The following PCDHGA7 variants were observed in gnomAD, a reference collection of about 807,000 sequenced individuals.
The protein encoded by PCDHGA7 is protocadherin gamma-A7.
Under a neutral mutation model 58.3 loss-of-function variants are expected in PCDHGA7, and 44 were observed. The ratio of observed to expected loss-of-function variants is 0.75; its 90% CI spans 0.59 to 0.97. The LOEUF is 0.97. PCDHGA7 is among the 50% of genes least tolerant of loss of function. The pLI is 0.00. For synonymous variants in PCDHGA7, 516 were observed against 504.2 expected (o/e 1.02, Z -0.31); for missense variants, 1,266 against 1,188.7 (o/e 1.06, Z -0.96).
rs369691483 is a variant in PCDHGA7 at position 141,383,272 on chromosome 5, G to T, written c.373G>T (p.Asp125Tyr). Residue 125 changes from aspartate to tyrosine, a missense_variant, in exon 1 of 4, where the codon GAT becomes TAT. Physicochemically the swap from Asp to Tyr is radical, Grantham distance 160. Coordinates refer to ENST00000518325, the MANE Select transcript of PCDHGA7 (RefSeq NM_018920.4). Reference sequence around the variant, plus strand: ...TTACCCTATAGACGTGGAAATAATAGATATTAATGACAACGTTCCAAGATT... The same window carrying T: ...TTACCCTATAGACGTGGAAATAATATATATTAATGACAACGTTCCAAGATT... ...NLYPIDVEIIDINDNVPRFLT... is the reference protein window; with the variant it reads ...NLYPIDVEIIYINDNVPRFLT... 13 of 1,613,802 alleles carry T rather than the reference G, an allele frequency of 8.1e-6. No individual in the cohort carries two copies. Among genetic ancestry groups the T allele is most frequent in the African/African-American group, 1.3e-5 (1 of 74,936 alleles).
chr5:141,484,426 C>T (rs377504062), intron 1 of PCDHGA7, among the ~76,000 whole-genome samples: 1 of 152,188 alleles, frequency 6.6e-6, no homozygotes, highest in African/African-American at 2.4e-5. Context: ...ACAATGAGAA[C>T]ATGTACTGCA....
At chr5:141,448,069 T>C (rs1184496754) in intron 1 of PCDHGA7, among the ~76,000 whole-genome samples, 1 of 151,202 alleles carries the variant, frequency 6.6e-6, no homozygotes, top group Non-Finnish European at 1.5e-5. Context: ...CTGGGCAACA[T>C]GAACGAAATG....
chr5:141,389,389 A>G, intron 1 of PCDHGA7: 1 of 1,613,668 alleles, frequency 6.2e-7, no homozygotes, highest in Non-Finnish European at 8.5e-7. Context: ...CTGTCATCCT[A>G]CGTGTCCATA....
rs1004089667 is a variant in PCDHGA7, at chr5:141,497,399, C to G, written c.2483+2534C>G. The stretch of plus-strand genomic sequence containing the variant: ...TGGGGTGAGCACCTTACCCCTGCCT[C>G]AACTCCCATTCCATCAAATGAGAGG... On this transcript the variant is annotated intron_variant, in intron 2 of 3. Coordinates refer to ENST00000518325, the MANE Select transcript of PCDHGA7 (RefSeq NM_018920.4). Among the ~76,000 whole-genome samples the G allele has an allele frequency of 5.9e-5, 9 of 152,146 alleles. 1 individual carries two copies. The highest frequency in any genetic ancestry group is 1.2e-4 in the Non-Finnish European group (8 of 68,034).
intron 1 of PCDHGA7, among the ~76,000 whole-genome samples, chr5:141,451,001 A>AT (rs1164946963): frequency 2.0e-5 from 3 of 148,376 alleles, no homozygotes; most frequent in South Asian, 2.1e-4. Context: ...ATTTTTTTGT[A>AT]TTTTTTTTAG....
chr5:141,489,069 C>G lies in PCDHGA7; in HGVS notation c.2425-5738C>G. ...TCAAATTCAGCTCCCCTCCCCCCTGCCCACCCCCGCCACTCGGTGACTAAG... is the reference window on the plus strand; with the variant it reads ...TCAAATTCAGCTCCCCTCCCCCCTGGCCACCCCCGCCACTCGGTGACTAAG... On this transcript the variant is annotated intron_variant, in intron 1 of 3. Coordinates refer to ENST00000518325, the MANE Select transcript of PCDHGA7 (RefSeq NM_018920.4). The surrounding 1 kb of genome is among the most constrained non-coding windows in gnomAD (Gnocchi z 4.5). 6.4e-5 allele frequency: 18 copies of G among 281,056 alleles called. No homozygotes were observed. Among genetic ancestry groups the G allele is most frequent in the Middle Eastern group, 1.1e-3 (1 of 944 alleles). 17.4% of individuals were successfully genotyped at this position (281,056 alleles called of 1,614,324 possible).
chr5:141,510,817 T>C, intron 3 of PCDHGA7, 130 bp from the exon 4 acceptor site: 2 of 1,551,592 alleles, frequency 1.3e-6, no homozygotes, highest in African/African-American at 2.7e-5. Flanking sequence ...GTGACCCCTA[T>C]ATTCCCAGTG....
intron 1 of PCDHGA7, chr5:141,419,373 T>C: frequency 1.9e-6 from 3 of 1,613,754 alleles, no homozygotes; most frequent in Non-Finnish European, 2.5e-6. Context: ...TCGTCCTACG[T>C]GTCCGTGAGC....
At chr5:141,392,633 A>T (rs2092567816) in intron 1 of PCDHGA7, 1 of 610,728 alleles carries the variant, frequency 1.6e-6, no homozygotes, top group African/African-American at 1.9e-5. Flanking sequence ...CTCAGATCTC[A>T]CACCTCACGA....
At chr5:141,430,575 A>G in intron 1 of PCDHGA7, 2 of 455,822 alleles carry the variant, frequency 4.4e-6, no homozygotes, top group East Asian at 3.5e-5. Flanking sequence ...AAAAGCGGAG[A>G]TCCTGCTCGC....
chr5:141,501,130 G>A (rs528942194), intron 2 of PCDHGA7, among the ~76,000 whole-genome samples: 5 of 152,100 alleles, frequency 3.3e-5, no homozygotes, highest in African/African-American at 4.8e-5. Flanking sequence ...GCCTCCCTAA[G>A]TGCTGGGATT....
rs759737266 is a variant in PCDHGA7 at position 141,489,464 on chromosome 5, T to A, written c.2425-5343T>A. 5 of 1,614,030 alleles carry A rather than the reference T, an allele frequency of 3.1e-6. No homozygotes were observed. In the South Asian group the frequency reaches 3.3e-5, roughly 11 times the overall value. On this transcript the variant is annotated intron_variant, in intron 1 of 3. Transcript: ENST00000518325. The surrounding 1 kb of genome is among the most constrained non-coding windows in gnomAD (Gnocchi z 4.5). ...GGCTCTGAGGAGAATGGGCGCTATT[T>A]TTCCCTGAGCTTGATGAGTGGTGCC...
chr5:141,477,551 C>A lies in PCDHGA7; in HGVS notation c.2425-17256C>A. The A allele has an allele frequency of 6.2e-7, 1 of 1,614,178 alleles. No homozygotes were observed. The highest frequency in any genetic ancestry group is 1.3e-5 in the African/African-American group (1 of 75,032). ...CCTCCCCGGGGCTCCAATACTAAAC[C>A]TAAGTGTCTGGGACCCCGACGCCCC... is the stretch of plus-strand genomic sequence containing the variant. On this transcript the variant is annotated intron_variant, in intron 1 of 3. Transcript: ENST00000518325. The surrounding 1 kb of genome is among the most constrained non-coding windows in gnomAD (Gnocchi z 4.9).
Position 141,486,812 on chromosome 5 carries a change from A to G in PCDHGA7, c.2425-7995A>G, listed in dbSNP as rs781747283. 6.2e-7 allele frequency: 1 copy of G among 1,614,226 alleles called. No individual in the cohort carries two copies. The highest frequency in any genetic ancestry group is 8.5e-7 in the Non-Finnish European group (1 of 1,180,046). ...GGATCGGGGCAACCCACCCCTTAGC[A>G]GCACTGTAACAGTTCGTCTATTTGT... On this transcript the variant is annotated intron_variant, in intron 1 of 3. Transcript: ENST00000518325. This position sits in a 1 kb window ranked among gnomAD's most constrained non-coding sequence, Gnocchi z 5.0.
chr5:141,456,178 A>G (rs1216202318), intron 1 of PCDHGA7, among the ~76,000 whole-genome samples: 1 of 151,926 alleles, frequency 6.6e-6, no homozygotes, highest in African/African-American at 2.4e-5. Context: ...ATTACAGAAT[A>G]ATTTCTTAAT....
In PCDHGA7 at chr5:141,430,969, TAGGACGCA is replaced by T. The variant is rs775497521; in HGVS notation, c.2424+45647_2424+45654del. The T allele has an allele frequency of 7.3e-5, 118 of 1,613,012 alleles. 1 individual carries two copies. The Middle Eastern group carries it at 1.8e-3, about 25-fold the overall frequency. On this transcript the variant is annotated intron_variant, in intron 1 of 3. Transcript: ENST00000518325. ...GCGGAGTCCGCATCATCCCCAGAGG[TAGGACGCA>T]GCTTTTCGCCCTGAATCCGCGCAGC...
intron 1 of PCDHGA7, among the ~76,000 whole-genome samples, chr5:141,397,380 A>G (rs1469821900): frequency 1.7e-4 from 26 of 152,236 alleles, no homozygotes; most frequent in Non-Finnish European, 3.8e-4. Flanking sequence ...GGGGATTGGT[A>G]TAAAATTGCC....
intron 2 of PCDHGA7, 22 bp downstream of exon 2, chr5:141,494,887 C>T (rs116522768): frequency 0.014 from 22,125 of 1,614,118 alleles, 208 homozygotes; most frequent in Middle Eastern, 0.021. Context: ...ATTCTCCAGC[C>T]CACCCTCTTC....
At chr5:141,388,539 G>T (rs747974278) in intron 1 of PCDHGA7, 1 of 1,613,740 alleles carries the variant, frequency 6.2e-7, no homozygotes. Context: ...GGACTTTGGA[G>T]CTCCACCCCT....
Sources: gnomAD v4.1 joint callset for allele counts (sites outside exome capture counted in the v4.1 genomes callset) on GRCh38, gnomAD v4.1.1 for gene constraint, Gnocchi (gnomAD v3.1) non-coding constraint, MANE v1.5 for transcripts, NCBI Gene and HGNC (gene_info 2026-07-23, HGNC 2026-07-21) for gene names.